RUNDC3A: variants seen among roughly 807,000 people sequenced by gnomAD.
The protein encoded by RUNDC3A is RUN domain containing 3A, also known as RUN domain-containing protein 3A.
A neutral mutation model predicts 53.9 loss-of-function variants in RUNDC3A; 28 were observed. That is an observed-to-expected ratio of 0.52 (90% CI 0.38 to 0.71). The LOEUF (loss-of-function observed/expected upper bound fraction) is 0.71, where lower values mean the gene tolerates loss of function less well. Ranked by LOEUF, RUNDC3A falls within the 30% of genes least tolerant of loss-of-function variation. The probability of loss-of-function intolerance (pLI) is 0.00; values close to 1 mark genes in which losing one functional copy is unlikely to be tolerated. For synonymous variants in RUNDC3A, 232 were observed against 249.4 expected, an observed-to-expected ratio of 0.93 and a Z score of 0.66; for missense variants, 491 against 597.3, an observed-to-expected ratio of 0.82 and a Z score of 1.85.
chr17:44,315,125 C>T lies in RUNDC3A; in HGVS notation c.630-30C>T. The T allele has an allele frequency of 1.9e-6, 3 of 1,589,138 alleles. No homozygotes were observed. Among genetic ancestry groups the T allele is most frequent in the East Asian group, 2.3e-5 (1 of 43,652 alleles). ...CAGACGCGCGGGGGGAGGGGCGGGA[C>T]CGGCCGTGCCCACTGCTCCCTCTCC... On this transcript the variant is annotated intron_variant, in intron 6 of 10. Coordinates refer to ENST00000426726, the MANE Select transcript of RUNDC3A (RefSeq NM_001144825.2). The surrounding 1 kb of genome is among the most constrained non-coding windows in gnomAD (Gnocchi z 6.1).
intron 10 of RUNDC3A, chr17:44,317,794 T>C (rs903972647): frequency 2.0e-5 from 12 of 597,484 alleles, no homozygotes; most frequent in Non-Finnish European, 3.3e-5. Context: ...GTCCGTTCTC[T>C]GTATCCCCAG....
intron 1 of RUNDC3A, 82 bp from the exon 2 acceptor site, chr17:44,312,498 C>A (rs900684314): frequency 2.5e-5 from 19 of 757,734 alleles, no homozygotes; most frequent in Non-Finnish European, 3.6e-5. Flanking sequence ...TTCTTCTCTG[C>A]CGGTTGCTCC....
In RUNDC3A at chr17:44,316,511, G is replaced by A. The variant is rs758759015; in HGVS notation, c.1080G>A (p.Lys360=). 1 of 1,612,850 alleles carries A rather than the reference G, an allele frequency of 6.2e-7. No individual in the cohort carries two copies. Among genetic ancestry groups the A allele is most frequent in the South Asian group, 1.1e-5 (1 of 90,892 alleles). Residue 360 remains lysine (K), a synonymous_variant, in exon 9 of 11, where the codon AAG becomes AAA. Coordinates refer to ENST00000426726, the MANE Select transcript of RUNDC3A (RefSeq NM_001144825.2). ...LNGAEGASNS[K]LYRRHSFMST... ...GGGCCGAGGGCGCCAGCAACTCCAA[G>A]CTCTACCGGAGGTAAGCCCCAGCCA... is the stretch of plus-strand genomic sequence containing the variant.
In RUNDC3A at chr17:44,316,468, C is replaced by A; in HGVS notation, c.1037C>A (p.Ser346Ter). Reference sequence around the variant, plus strand: ...ACACCCCTGGTCAATCAATGGCCCTCACTGGGAACGCTTAATGGGGCCGAG... The same window carrying A: ...ACACCCCTGGTCAATCAATGGCCCTAACTGGGAACGCTTAATGGGGCCGAG... ...LTTPLVNQWP[S>*]LGTLNGAEGA... The change falls in exon 9 of 11, where the codon TCA (serine) becomes TAA (stop). Residue 346 changes from serine (S) to a stop codon, truncating the protein, a stop_gained. Coordinates refer to ENST00000426726, the MANE Select transcript of RUNDC3A (RefSeq NM_001144825.2). LOFTEE classifies it high-confidence loss of function. 1 of 1,613,674 alleles carries A rather than the reference C, an allele frequency of 6.2e-7. No homozygotes were observed. The highest frequency in any genetic ancestry group is 8.5e-7 in the Non-Finnish European group (1 of 1,179,862).
Position 44,315,834 on chromosome 17 carries a change from C to T in RUNDC3A, c.953+225C>T, listed in dbSNP as rs927709900. On this transcript the variant is annotated intron_variant, in intron 8 of 10. Coordinates refer to ENST00000426726, the MANE Select transcript of RUNDC3A (RefSeq NM_001144825.2). The surrounding 1 kb of genome is among the most constrained non-coding windows in gnomAD (Gnocchi z 6.1). ...TGACTTCCAACAGCCAGAGCCCACC[C>T]TTCACCTTCAGTTATCTTCCGCTAG... 1 of 408,394 alleles carries T rather than the reference C, an allele frequency of 2.4e-6. No homozygotes were observed. Among genetic ancestry groups the T allele is most frequent in the Non-Finnish European group, 4.3e-6 (1 of 234,398 alleles). The allele number at this position is 408,394 out of a possible 1,614,324, so 25.3% of individuals were successfully genotyped here.
Position 44,315,401 on chromosome 17 carries a change from C to T in RUNDC3A, c.796-51C>T. On this transcript the variant is annotated intron_variant, in intron 7 of 10. Coordinates refer to ENST00000426726, the MANE Select transcript of RUNDC3A (RefSeq NM_001144825.2). This position sits in a 1 kb window ranked among gnomAD's most constrained non-coding sequence, Gnocchi z 6.1. ...TCCCGGGGCGGGGCGGGGATGGGGGCCGCGGCCGGGACGTCCTCCCAGCCG... is the reference window on the plus strand; with the variant it reads ...TCCCGGGGCGGGGCGGGGATGGGGGTCGCGGCCGGGACGTCCTCCCAGCCG... The T allele has an allele frequency of 1.5e-6, 2 of 1,332,198 alleles. No individual in the cohort carries two copies. The highest frequency in any genetic ancestry group is 9.6e-7 in the Non-Finnish European group (1 of 1,037,996). 82.5% of individuals were successfully genotyped at this position (1,332,198 alleles called of 1,614,324 possible).
intron 10 of RUNDC3A, 109 bp from the exon 11 acceptor site, chr17:44,317,987 C>A: frequency 8.6e-7 from 1 of 1,163,916 alleles, no homozygotes; most frequent in South Asian, 1.5e-5. Flanking sequence ...TGGAATATGC[C>A]AAGGTCTCCT....
intron 1 of RUNDC3A, 78 bp from the exon 2 acceptor site, chr17:44,312,502 T>G: frequency 1.3e-6 from 1 of 780,034 alleles, no homozygotes; most frequent in African/African-American, 1.7e-5. Context: ...TCTCTGCCGG[T>G]TGCTCCCTGT....
chr17:44,314,240 T>C (rs2047807674), intron 4 of RUNDC3A: 2 of 1,002,512 alleles, frequency 2.0e-6, no homozygotes, highest in South Asian at 8.5e-5. Context: ...ACAGGGAGGT[T>C]GGGTGCCTGA....
intron 10 of RUNDC3A, chr17:44,317,176 G>A (rs1326392293): frequency 5.8e-6 from 3 of 516,458 alleles, no homozygotes; most frequent in Non-Finnish European, 1.0e-5. Flanking sequence ...GTTTAGCACA[G>A]CAATCGAGAG....
intron 4 of RUNDC3A, chr17:44,314,418 C>T (rs914859076): frequency 2.8e-5 from 34 of 1,198,194 alleles, no homozygotes; most frequent in Middle Eastern, 3.4e-4. Context: ...ACGTTTTTTG[C>T]GCACCTACTG....
In RUNDC3A at chr17:44,314,945, G is replaced by T; in HGVS notation, c.565G>T (p.Glu189Ter). 1 of 1,613,992 alleles carries T rather than the reference G, an allele frequency of 6.2e-7. No homozygotes were observed. The highest frequency in any genetic ancestry group is 2.2e-5 in the East Asian group (1 of 44,874). ...AIDFSFCLKG[E>*]VLDGKTPVVI... ...CTGCCTCAGCTTCTGTCTAAAGGGGGAAGTCCTGGACGGGAAGACCCCCGT... is the reference window on the plus strand; with the variant it reads ...CTGCCTCAGCTTCTGTCTAAAGGGGTAAGTCCTGGACGGGAAGACCCCCGT... Residue 189 changes from glutamate to a stop codon, truncating the protein, a stop_gained, in exon 6 of 11, where the codon GAA becomes TAA. Coordinates refer to ENST00000426726, the MANE Select transcript of RUNDC3A (RefSeq NM_001144825.2). LOFTEE classifies it high-confidence loss of function.
intron 10 of RUNDC3A, chr17:44,317,635 A>G: frequency 2.7e-6 from 2 of 729,020 alleles, no homozygotes; most frequent in Admixed American, 3.9e-5. Flanking sequence ...CTTTTTTATA[A>G]GCAACCACAC....
chr17:44,317,722 TTGTC>T (rs2047898235), intron 10 of RUNDC3A: 7 of 620,758 alleles, frequency 1.1e-5, no homozygotes, highest in South Asian at 3.8e-5. Flanking sequence ...GTGTTTGTGA[TTGTC>T]TGTGTGTCTG....
At chr17:44,310,646 C>G in intron 1 of RUNDC3A, 1 of 956,048 alleles carries the variant, frequency 1.0e-6, no homozygotes, top group Non-Finnish European at 1.2e-6. Context: ...GCCATGGGCT[C>G]CCCTGGGCCC....
intron 1 of RUNDC3A, among the ~76,000 whole-genome samples, chr17:44,310,450 GA>G (rs1369891430): frequency 6.6e-6 from 1 of 152,216 alleles, no homozygotes; most frequent in Non-Finnish European, 1.5e-5. Context: ...GGGAATGAGG[GA>G]ACTCTCCTTG....
In RUNDC3A at chr17:44,312,195, G is replaced by A. The variant is rs35101028; in HGVS notation, c.108-385G>A. Among the ~76,000 whole-genome samples the A allele has an allele frequency of 8.4e-3, 1,281 of 151,782 alleles. 13 individuals are homozygous for A. Among genetic ancestry groups the A allele is most frequent in the African/African-American group, 0.03 (1,224 of 41,062 alleles). ...CTAACACCTAGTTGACCCAGGCCTC[G>A]CACACACAGACCCTGAAGGGTGGTC... On this transcript the variant is annotated intron_variant, in intron 1 of 10. Coordinates refer to ENST00000426726, the MANE Select transcript of RUNDC3A (RefSeq NM_001144825.2).
Position 44,318,466 on chromosome 17 carries a change from G to A in RUNDC3A, c.*228G>A. The A allele has an allele frequency of 1.8e-6, 1 of 554,846 alleles. No individual in the cohort carries two copies. Among genetic ancestry groups the A allele is most frequent in the South Asian group, 2.3e-5 (1 of 43,186 alleles). The allele number at this position is 554,846 out of a possible 1,614,324, so 34.4% of individuals were successfully genotyped here. ...GGAGGCAGGGGTGCCCAAGCCACAG[G>A]GAGCCCCTGGGGAAGCCTGCTCCAT... On this transcript the variant is annotated 3_prime_UTR_variant, in exon 11 of 11. Coordinates refer to ENST00000426726, the MANE Select transcript of RUNDC3A (RefSeq NM_001144825.2).
At position 44,313,501 on chromosome 17, in the gene RUNDC3A, C is replaced by G. The variant is rs1297590029; in HGVS notation, c.456C>G (p.Thr152=). ...ITTALRDTRT[T]RRFYDSGAIM... ...CGGCTCTGCGTGACACCCGGACCAC[C>G]AGGTCAGACTTCCCAGGCAACTCAG... Residue 152 remains threonine (T), a splice_region_variant and synonymous_variant, in exon 4 of 11, where the codon ACC becomes ACG. Coordinates refer to ENST00000426726, the MANE Select transcript of RUNDC3A (RefSeq NM_001144825.2). 3.7e-6 allele frequency: 6 copies of G among 1,607,972 alleles called. No individual in the cohort carries two copies. Among genetic ancestry groups the G allele is most frequent in the Non-Finnish European group, 5.1e-6 (6 of 1,175,076 alleles).
Sources: allele counts gnomAD v4.1 joint callset (sites outside exome capture counted in the v4.1 genomes callset), GRCh38; gene constraint gnomAD v4.1.1; non-coding constraint Gnocchi (gnomAD v3.1); transcripts MANE v1.5; gene names NCBI Gene and HGNC (gene_info 2026-07-23, HGNC 2026-07-21).